EPHA6: variants seen among roughly 807,000 people sequenced by gnomAD.
EPHA6 encodes the protein ephrin type-A receptor 6.
EPHA6 carries 50 observed loss-of-function variants against 112.0 expected under a neutral mutation model. The ratio of observed to expected loss-of-function variants is 0.45; its 90% confidence interval spans 0.36 to 0.56. The LOEUF is 0.56. Among genes scored for constraint, EPHA6 ranks in the 20% least tolerant of loss-of-function variants. The pLI is 0.00. For missense variants in EPHA6, 1,280 were observed against 1,417.4 expected (o/e 0.90, Z 1.56); for synonymous variants, 529 against 490.7 (o/e 1.08, Z -1.03).
chr3:97,208,539 A>C (rs912228108), intron 3 of EPHA6, among the ~76,000 whole-genome samples: 1 of 152,140 alleles, frequency 6.6e-6, no homozygotes, highest in African/African-American at 2.4e-5. Context: ...TGAGCTCAGG[A>C]GTTCAAGACC....
chr3:97,671,130 A>C (rs2030773030), intron 14 of EPHA6, among the ~76,000 whole-genome samples: 1 of 151,838 alleles, frequency 6.6e-6, no homozygotes, highest in Non-Finnish European at 1.5e-5. Context: ...ATGTAACTGT[A>C]CCCTTCATCT....
intron 2 of EPHA6, among the ~76,000 whole-genome samples, chr3:96,941,752 A>T (rs975907745): frequency 6.6e-6 from 1 of 152,008 alleles, no homozygotes; most frequent in Non-Finnish European, 1.5e-5. Flanking sequence ...GTCTTTGATG[A>T]TGGTGACGTA....
intron 3 of EPHA6, among the ~76,000 whole-genome samples, chr3:97,084,339 A>G (rs1295875505): frequency 2.6e-5 from 4 of 151,600 alleles, no homozygotes; most frequent in African/African-American, 9.7e-5. Context: ...TATAACACAC[A>G]CACACAGACA....
intron 15 of EPHA6, among the ~76,000 whole-genome samples, chr3:97,732,316 A>G (rs979337827): frequency 2.7e-5 from 4 of 150,756 alleles, no homozygotes; most frequent in African/African-American, 9.7e-5. Context: ...AGGTTCAGTC[A>G]CCTCCTGGAA....
At chr3:97,696,332 T>G (rs1024450577) in intron 14 of EPHA6, among the ~76,000 whole-genome samples, 19 of 152,208 alleles carry the variant, frequency 1.2e-4, no homozygotes, top group African/African-American at 3.6e-4. Flanking sequence ...CTGAGCTTGC[T>G]GAGTAATTAA....
At chr3:97,466,078 T>C (rs575918997) in intron 7 of EPHA6, among the ~76,000 whole-genome samples, 21 of 152,082 alleles carry the variant, frequency 1.4e-4, no homozygotes, top group African/African-American at 4.6e-4. Context: ...ACTATCCATC[T>C]ATTAAAGAAA....
At chr3:96,921,311 TATG>T (rs1007144411) in intron 2 of EPHA6, among the ~76,000 whole-genome samples, 8 of 152,194 alleles carry the variant, frequency 5.3e-5, no homozygotes, top group East Asian at 1.9e-4. Flanking sequence ...TATTTTTAAT[TATG>T]ATATTAATAT....
chr3:97,057,907 G>A (rs1194716931), intron 3 of EPHA6, among the ~76,000 whole-genome samples: 1 of 152,114 alleles, frequency 6.6e-6, no homozygotes, highest in African/African-American at 2.4e-5. Flanking sequence ...TGTACAGAGA[G>A]TAAGATGAAT....
At chr3:97,627,041 G>C (rs1175764559) in intron 13 of EPHA6, among the ~76,000 whole-genome samples, 2 of 151,852 alleles carry the variant, frequency 1.3e-5, no homozygotes, top group East Asian at 3.9e-4. Context: ...CCATGCATTA[G>C]CTCACTTACT....
chr3:97,347,395 T>C (rs761802507), intron 5 of EPHA6, among the ~76,000 whole-genome samples: 1 of 152,132 alleles, frequency 6.6e-6, no homozygotes, highest in Non-Finnish European at 1.5e-5. Context: ...ACAGTGTTTG[T>C]TTTGTTCAAT....
intron 6 of EPHA6, among the ~76,000 whole-genome samples, chr3:97,427,440 C>T (rs1000625853): frequency 2.0e-5 from 3 of 152,084 alleles, no homozygotes; most frequent in Admixed American, 6.5e-5. Flanking sequence ...AATGCAGGAA[C>T]AGAAAACCAA....
chr3:97,266,288 T>A (rs543420279), intron 5 of EPHA6, among the ~76,000 whole-genome samples: 7 of 152,296 alleles, frequency 4.6e-5, no homozygotes, highest in Non-Finnish European at 1.0e-4. Flanking sequence ...AATTTTAATA[T>A]AACCTAAACA....
At chr3:97,438,686 G>C (rs1314313223) in intron 6 of EPHA6, among the ~76,000 whole-genome samples, 1 of 152,142 alleles carries the variant, frequency 6.6e-6, no homozygotes, top group Non-Finnish European at 1.5e-5. Flanking sequence ...GCATCTGCAA[G>C]ATGACCTTAA....
At chr3:97,214,481 C>CAAAAA (rs1166034294) in intron 3 of EPHA6, among the ~76,000 whole-genome samples, 17 of 62,788 alleles carry the variant, frequency 2.7e-4, no homozygotes, top group East Asian at 5.6e-4. Context: ...AACTTTGTCT[C>CAAAAA]AAAAAAAAAA....
chr3:97,149,365 GT>G (rs1041938300), intron 3 of EPHA6, among the ~76,000 whole-genome samples: 4 of 152,100 alleles, frequency 2.6e-5, no homozygotes, highest in African/African-American at 9.7e-5. Context: ...CAGTTGACAT[GT>G]AATAAGCATT....
chr3:97,587,308 G>A (rs536323858), intron 11 of EPHA6, among the ~76,000 whole-genome samples: 1 of 150,870 alleles, frequency 6.6e-6, no homozygotes, highest in East Asian at 1.9e-4. Flanking sequence ...TCAAATTATT[G>A]TTCATGTTCC....
At chr3:97,557,109 T>C (rs1245777202) in intron 11 of EPHA6, among the ~76,000 whole-genome samples, 2 of 152,022 alleles carry the variant, frequency 1.3e-5, no homozygotes, top group African/African-American at 4.8e-5. Context: ...AGAAGTGTAA[T>C]TCATGAGTCA....
chr3:96,937,483 T>C (rs1160689234), intron 2 of EPHA6, among the ~76,000 whole-genome samples: 2 of 152,148 alleles, frequency 1.3e-5, no homozygotes, highest in Non-Finnish European at 2.9e-5. Flanking sequence ...TTTGTTGGAG[T>C]TCATTGTAGA....
chr3:96,974,713 A>C (rs2042453275), intron 2 of EPHA6, among the ~76,000 whole-genome samples: 1 of 152,092 alleles, frequency 6.6e-6, no homozygotes, highest in Non-Finnish European at 1.5e-5. Context: ...TGGATCAAGG[A>C]ATGACTATAT....
Sources: allele counts gnomAD v4.1 joint callset (sites outside exome capture counted in the v4.1 genomes callset), GRCh38; gene constraint gnomAD v4.1.1; transcripts MANE v1.5; gene names NCBI Gene and HGNC (gene_info 2026-07-23, HGNC 2026-07-21).